The following AFF2 variants were observed in gnomAD, a reference collection of about 807,000 sequenced individuals.
AFF2 encodes the protein ALF transcription elongation factor 2, also known as AF4/FMR2 family member 2.
A neutral mutation model predicts 76.9 loss-of-function variants in AFF2; 14 were observed. The ratio of observed to expected loss-of-function variants is 0.18; its 90% CI spans 0.12 to 0.28. The LOEUF (loss-of-function observed/expected upper bound fraction) is 0.28. Ranked by LOEUF, AFF2 falls within the 10% of genes least tolerant of loss-of-function variation. The pLI is 1.00. For missense variants in AFF2, 868 were observed against 1,001.1 expected (o/e 0.87, Z 1.79); for synonymous variants, 398 against 366.7 (o/e 1.09, Z -0.98).
At chrX:148,729,031 G>T (rs1364281511) in intron 3 of AFF2, among the ~76,000 whole-genome samples, 6 of 112,214 alleles carry the variant, frequency 5.3e-5, no homozygotes, top group Non-Finnish European at 1.1e-4. Context: ...ACACGTAGTT[G>T]TGTATTCCCT....
chrX:148,899,774 G>A (rs1228645118), intron 8 of AFF2, among the ~76,000 whole-genome samples: 1 of 109,415 alleles, frequency 9.1e-6, no homozygotes, highest in African/African-American at 3.5e-5. Flanking sequence ...ATGAATACCT[G>A]AGTCCACTGC....
intron 13 of AFF2, among the ~76,000 whole-genome samples, chrX:148,964,227 A>G (rs782632418): frequency 8.9e-6 from 1 of 112,120 alleles, no homozygotes; most frequent in South Asian, 3.8e-4. Flanking sequence ...TAAAGTGAGC[A>G]ATGAGACATA....
intron 9 of AFF2, among the ~76,000 whole-genome samples, chrX:148,927,138 G>A (rs2071660037): frequency 9.0e-6 from 1 of 111,636 alleles, no homozygotes; most frequent in South Asian, 3.8e-4. Flanking sequence ...TATCCAGAAA[G>A]CTAATACATT....
intron 3 of AFF2, among the ~76,000 whole-genome samples, chrX:148,754,216 T>C (rs1230655250): frequency 9.0e-6 from 1 of 111,569 alleles, no homozygotes; most frequent in African/African-American, 3.3e-5. Context: ...ACATACAATA[T>C]GCAATAAACA....
At chrX:148,581,080 T>TACACAC (rs1213603077) in intron 1 of AFF2, among the ~76,000 whole-genome samples, 1 of 103,461 alleles carries the variant, frequency 9.7e-6, no homozygotes, top group Non-Finnish European at 2.0e-5. Flanking sequence ...TACACACATA[T>TACACAC]ATACATATGT....
intron 3 of AFF2, among the ~76,000 whole-genome samples, chrX:148,727,367 A>G (rs1389877296): frequency 8.9e-6 from 1 of 112,023 alleles, no homozygotes; most frequent in Admixed American, 9.5e-5. Flanking sequence ...ACAGTTGTGC[A>G]TGTTGTATTT....
intron 1 of AFF2, among the ~76,000 whole-genome samples, chrX:148,642,677 A>C (rs782353263): frequency 1.1e-4 from 12 of 111,993 alleles, no homozygotes; most frequent in Non-Finnish European, 2.3e-4. Context: ...GCTCATCAAG[A>C]GCAGAGGGCC....
intron 3 of AFF2, among the ~76,000 whole-genome samples, chrX:148,690,842 T>C (rs146005714): frequency 0.023 from 2,530 of 111,623 alleles, 71 homozygotes; most frequent in African/African-American, 0.078. Context: ...GCTAGTAGTC[T>C]AAAATAAAGG....
At chrX:148,977,614 GACACAC>G (rs140911348) in intron 16 of AFF2, among the ~76,000 whole-genome samples, 20,208 of 92,395 alleles carry the variant, frequency 0.22, 1,793 homozygotes, top group African/African-American at 0.27. Flanking sequence ...CCAGCATTTA[GACACAC>G]ACACACACAC....
At chrX:148,509,553 A>T (rs1470546855) in intron 1 of AFF2, among the ~76,000 whole-genome samples, 1 of 112,309 alleles carries the variant, frequency 8.9e-6, no homozygotes, top group Non-Finnish European at 1.9e-5. Flanking sequence ...TCAAAGAAAT[A>T]CCAAATGAAA....
chrX:148,695,377 G>T (rs2054707773), intron 3 of AFF2, among the ~76,000 whole-genome samples: 1 of 111,852 alleles, frequency 8.9e-6, no homozygotes, highest in African/African-American at 3.3e-5. Flanking sequence ...CTAGTGTAAT[G>T]CATGTATATA....
At chrX:148,647,483 G>A (rs1376859541) in intron 1 of AFF2, among the ~76,000 whole-genome samples, 1 of 111,612 alleles carries the variant, frequency 9.0e-6, no homozygotes, top group Non-Finnish European at 1.9e-5. Context: ...CCCCACAGAT[G>A]CAGTTAATTT....
At chrX:148,887,555 T>C (rs1229292298) in intron 8 of AFF2, among the ~76,000 whole-genome samples, 3 of 112,308 alleles carry the variant, frequency 2.7e-5, no homozygotes, top group Middle Eastern at 4.2e-3. Flanking sequence ...AGTTATTTTC[T>C]GTATTTATCT....
chrX:148,539,672 T>TA (rs1261819017), intron 1 of AFF2, among the ~76,000 whole-genome samples: 1 of 107,640 alleles, frequency 9.3e-6, no homozygotes, highest in Non-Finnish European at 1.9e-5. Context: ...CTTTTTTTTT[T>TA]AAAAAAATAA....
At chrX:148,890,385 A>G (rs1325682593) in intron 8 of AFF2, among the ~76,000 whole-genome samples, 3 of 112,130 alleles carry the variant, frequency 2.7e-5, no homozygotes, top group African/African-American at 6.5e-5. Context: ...AAATGCCTTG[A>G]ACTACAAAAT....
In AFF2 at chrX:148,677,240, C is replaced by T. The variant is rs188216153; in HGVS notation, c.1041+14472C>T. On this transcript the variant is annotated intron_variant, in intron 3 of 20. Transcript: ENST00000370460. Reference sequence around the variant, plus strand: ...TGATACCATTACCCAAGATTCCTTTCTTTGACACTGAGAGCTTCAGAAAGC... The same window carrying T: ...TGATACCATTACCCAAGATTCCTTTTTTTGACACTGAGAGCTTCAGAAAGC... Among the ~76,000 whole-genome samples the T allele has an allele frequency of 2.0e-3, 220 of 110,971 alleles. 1 individual carries two copies. The highest frequency in any genetic ancestry group is 6.6e-3 in the African/African-American group (201 of 30,544).
chrX:148,575,484 C>T (rs921482828), intron 1 of AFF2, among the ~76,000 whole-genome samples: 3 of 111,505 alleles, frequency 2.7e-5, no homozygotes, highest in Non-Finnish European at 5.7e-5. Context: ...TACGTTTCCA[C>T]AGGGTATAAT....
At chrX:148,601,900 T>G (rs1557248120) in intron 1 of AFF2, among the ~76,000 whole-genome samples, 1 of 112,222 alleles carries the variant, frequency 8.9e-6, no homozygotes, top group African/African-American at 3.2e-5. Flanking sequence ...GATTATTCAT[T>G]CCTCATTAAA....
intron 3 of AFF2, among the ~76,000 whole-genome samples, chrX:148,793,301 T>C (rs1337590425): frequency 9.0e-6 from 1 of 111,524 alleles, no homozygotes; most frequent in Non-Finnish European, 1.9e-5. Context: ...GGAGAGCAAG[T>C]GCATCAAAAA....
Sources: gnomAD v4.1 joint callset for allele counts (sites outside exome capture counted in the v4.1 genomes callset) on GRCh38, gnomAD v4.1.1 for gene constraint, MANE v1.5 for transcripts, NCBI Gene and HGNC (gene_info 2026-07-23, HGNC 2026-07-21) for gene names.